EAF1: variants seen among roughly 807,000 people sequenced by gnomAD.
The protein encoded by EAF1 is ELL associated factor 1.
A neutral mutation model predicts 26.6 loss-of-function variants in EAF1; 19 were observed. The ratio of observed to expected loss-of-function variants is 0.71; its 90% CI spans 0.50 to 1.05. The LOEUF is 1.05. Ranked by LOEUF, EAF1 falls within the 50% of genes least tolerant of loss-of-function variation. The pLI, the probability that EAF1 is intolerant of heterozygous loss-of-function variation, is 0.00. For synonymous variants in EAF1, 102 were observed against 120.6 expected, an observed-to-expected ratio of 0.85 and a Z score of 1.01; for missense variants, 260 against 335.5, an observed-to-expected ratio of 0.78 and a Z score of 1.76.
rs978972235 is a variant in EAF1 at position 15,440,685 on chromosome 3, T to C, written c.*1530T>C. On this transcript the variant is annotated 3_prime_UTR_variant, in exon 6 of 6. Coordinates refer to ENST00000396842, the MANE Select transcript of EAF1 (RefSeq NM_033083.7). ...CATCATAGTGAGCCCAGAGAGCCAC[T>C]GCCCAGCAGCATGCTCACACCACCT... 6.5e-6 allele frequency: 1 copy of C among 152,710 alleles called. No individual in the cohort carries two copies. The highest frequency in any genetic ancestry group is 1.5e-5 in the Non-Finnish European group (1 of 68,104). 9.5% of individuals were successfully genotyped at this position (152,710 alleles called of 1,614,324 possible).
chr3:15,440,378 A>G lies in EAF1; in HGVS notation c.*1223A>G, dbSNP rs1286534254. 1 of 152,190 alleles carries G rather than the reference A, an allele frequency of 6.6e-6. No homozygotes were observed. Among genetic ancestry groups the G allele is most frequent in the Non-Finnish European group, 1.5e-5 (1 of 68,034 alleles). 9.4% of individuals were successfully genotyped at this position (152,190 alleles called of 1,614,324 possible). ...TGTTGGAGGAAACTGGTTGCTAGTC[A>G]ATGTTCTATATTTAATGAATGTGTG... On this transcript the variant is annotated 3_prime_UTR_variant, in exon 6 of 6. Coordinates refer to ENST00000396842, the MANE Select transcript of EAF1 (RefSeq NM_033083.7).
chr3:15,438,057 A>G (rs2061845361), intron 5 of EAF1, among the ~76,000 whole-genome samples: 1 of 152,190 alleles, frequency 6.6e-6, no homozygotes, highest in Admixed American at 6.5e-5. Flanking sequence ...AGGTAGTTAG[A>G]AAAGGGGTGA....
Position 15,434,417 on chromosome 3 carries a change from G to T in EAF1, c.405G>T (p.Gln135His). The change falls in exon 4 of 6, where the codon CAG (glutamine) becomes CAT (histidine). Residue 135 changes from glutamine (Q) to histidine (H), a missense_variant. Coordinates refer to ENST00000396842, the MANE Select transcript of EAF1 (RefSeq NM_033083.7). ...QQPTRPPQTS[Q>H]PPPPPPPMPF... ...CCACTCGTCCTCCACAGACGTCACA[G>T]CCACCACCACCTCCACCACCTATGC... 6.2e-7 allele frequency: 1 copy of T among 1,614,212 alleles called. No individual in the cohort carries two copies.
At chr3:15,431,083 T>G (rs2125064571) in intron 2 of EAF1, among the ~76,000 whole-genome samples, 1 of 152,316 alleles carries the variant, frequency 6.6e-6, no homozygotes, top group African/African-American at 2.4e-5. Context: ...AGCTCTATAT[T>G]TTTACTATAT....
chr3:15,433,054 T>A (rs567831995), intron 3 of EAF1: 1 of 152,064 alleles, frequency 6.6e-6, no homozygotes, highest in Non-Finnish European at 1.5e-5. Flanking sequence ...ATGCATTGTT[T>A]TATCTAACAA....
At chr3:15,427,937 C>T in intron 1 of EAF1, 55 bp downstream of exon 1, 2 of 1,349,426 alleles carry the variant, frequency 1.5e-6, no homozygotes, top group Admixed American at 5.0e-5. Flanking sequence ...CACATATCAA[C>T]CTTGACTCCT....
chr3:15,438,891 C>A (rs898689343), intron 5 of EAF1: 10 of 479,662 alleles, frequency 2.1e-5, no homozygotes, highest in Non-Finnish European at 3.7e-5. Flanking sequence ...TTCTCCTTTG[C>A]TCTACCCTAA....
chr3:15,432,334 C>T, intron 3 of EAF1, 111 bp downstream of exon 3: 1 of 1,353,132 alleles, frequency 7.4e-7, no homozygotes, highest in Non-Finnish European at 1.0e-6. Flanking sequence ...TATCAATAAT[C>T]TTAACACTAC....
intron 1 of EAF1, among the ~76,000 whole-genome samples, chr3:15,428,211 T>TC (rs2061768913): frequency 3.7e-5 from 1 of 26,784 alleles, no homozygotes; most frequent in South Asian, 9.7e-4. Flanking sequence ...AAGGCAAACC[T>TC]CCCCCCTCTT....
intron 3 of EAF1, 89 bp downstream of exon 3, chr3:15,432,312 C>T: frequency 1.3e-6 from 2 of 1,505,600 alleles, no homozygotes; most frequent in Non-Finnish European, 1.8e-6. Context: ...CATCTGCTTG[C>T]TCATAGTGTT....
In EAF1 at chr3:15,427,811, G is replaced by T. The variant is rs1237625316; in HGVS notation, c.32G>T (p.Arg11Leu). Residue 11 changes from arginine to leucine, a missense_variant, in exon 1 of 6, where the codon CGC becomes CTC. By Grantham distance (102) the Arg-to-Leu change is moderately radical (BLOSUM62 -2). Coordinates refer to ENST00000396842, the MANE Select transcript of EAF1 (RefSeq NM_033083.7). ...GGGACCGCAAACCCGCTGCTGGACC[G>T]CGAGGAACATTGCCTGAGGCTCGGG... The part of the protein sequence containing the change: MNGTANPLLD[R>L]EEHCLRLGES... The T allele has an allele frequency of 6.4e-7, 1 of 1,551,410 alleles. No individual in the cohort carries two copies. Among genetic ancestry groups the T allele is most frequent in the Non-Finnish European group, 8.7e-7 (1 of 1,146,878 alleles).
At chr3:15,439,034 T>G (rs1486649546) in intron 5 of EAF1, 75 bp from the exon 6 acceptor site, 1 of 1,444,426 alleles carries the variant, frequency 6.9e-7, no homozygotes, top group African/African-American at 1.4e-5. Flanking sequence ...TAACAAAAAA[T>G]TATGAGGAAG....
rs1296169374 is a variant in EAF1 at position 15,441,321 on chromosome 3, G to C, written c.*2166G>C. 1 of 153,582 alleles carries C rather than the reference G, an allele frequency of 6.5e-6. No homozygotes were observed. Among genetic ancestry groups the C allele is most frequent in the African/African-American group, 2.4e-5 (1 of 41,390 alleles). 9.5% of individuals were successfully genotyped at this position (153,582 alleles called of 1,614,324 possible). On this transcript the variant is annotated 3_prime_UTR_variant, in exon 6 of 6. Coordinates refer to ENST00000396842, the MANE Select transcript of EAF1 (RefSeq NM_033083.7). ...TTGGCTTCACAGATGGCTTCTCACA[G>C]ATGCCCTCCTGCCAGCCAAACCGGA... is the stretch of plus-strand genomic sequence containing the variant.
rs2061852987 is a variant in EAF1, at chr3:15,439,269, G to A, written c.*114G>A. On this transcript the variant is annotated 3_prime_UTR_variant, in exon 6 of 6. Coordinates refer to ENST00000396842, the MANE Select transcript of EAF1 (RefSeq NM_033083.7). ...TGTTATGGATCAGTGACTGTAGTAGGAGTTTGAGGCTCTGGAACTCTCACA... is the reference window on the plus strand; with the variant it reads ...TGTTATGGATCAGTGACTGTAGTAGAAGTTTGAGGCTCTGGAACTCTCACA... The A allele has an allele frequency of 1.0e-6, 1 of 997,198 alleles. No homozygotes were observed. The highest frequency in any genetic ancestry group is 1.6e-5 in the African/African-American group (1 of 61,614). The allele number at this position is 997,198 out of a possible 1,614,324, so 61.8% of individuals were successfully genotyped here.
At chr3:15,438,507 TTTC>T (rs1324602997) in intron 5 of EAF1, 2 of 149,686 alleles carry the variant, frequency 1.3e-5, no homozygotes, top group African/African-American at 2.5e-5. Flanking sequence ...TTTTAAATAT[TTTC>T]TTTTTTTTTT....
At chr3:15,433,234 A>T (rs1365170604) in intron 3 of EAF1, 1 of 89,326 alleles carries the variant, frequency 1.1e-5, no homozygotes, top group Non-Finnish European at 2.0e-5. Context: ...GCTATTATCT[A>T]AAAAAAAAAA....
intron 2 of EAF1, 43 bp from the exon 3 acceptor site, chr3:15,432,044 T>C (rs1266229813): frequency 6.3e-7 from 1 of 1,586,954 alleles, no homozygotes; most frequent in Admixed American, 1.8e-5. Context: ...TATTCATAAC[T>C]GGTATGTTTA....
In EAF1 at chr3:15,441,724, C is replaced by CT. The variant is rs1284558683; in HGVS notation, c.*2570dup. On this transcript the variant is annotated 3_prime_UTR_variant, in exon 6 of 6. Transcript: ENST00000396842. ...AGGGACTGTCATTCTCATCTCCTCC[C>CT]TGGGGTATCCACAGGAATGGACATT... 3.9e-5 allele frequency: 6 copies of CT among 152,452 alleles called. No individual in the cohort carries two copies. The highest frequency in any genetic ancestry group is 7.3e-5 in the Non-Finnish European group (5 of 68,044). 9.4% of individuals were successfully genotyped at this position (152,452 alleles called of 1,614,324 possible). A position where few individuals can be genotyped will look rare whatever the true frequency, so the allele number is the denominator to read the frequency against.
intron 5 of EAF1, 153 bp downstream of exon 5, chr3:15,436,728 A>G (rs2061838471): frequency 1.1e-5 from 6 of 551,014 alleles, no homozygotes; most frequent in Non-Finnish European, 1.2e-5. Flanking sequence ...GTTACTAAAC[A>G]GTAAAAAAGG....
Sources: allele counts gnomAD v4.1 joint callset (sites outside exome capture counted in the v4.1 genomes callset), GRCh38; gene constraint gnomAD v4.1.1; transcripts MANE v1.5; gene names NCBI Gene and HGNC (gene_info 2026-07-23, HGNC 2026-07-21).